Variants in CTNNA1 observed in about 807,000 individuals in gnomAD.
The protein encoded by CTNNA1 is catenin alpha 1.
CTNNA1 carries 37 observed loss-of-function variants against 98.4 expected under a neutral mutation model. The observed-to-expected ratio is 0.38, with a 90% CI of 0.29 to 0.49. CTNNA1 has a LOEUF of 0.49. Among genes scored for constraint, CTNNA1 ranks in the 20% least tolerant of loss-of-function variants. The pLI is 0.95. For missense variants in CTNNA1, 761 were observed against 1,147.2 expected (o/e 0.66, Z 4.86); for synonymous variants, 404 against 413.2 (o/e 0.98, Z 0.27).
rs1750996609 is a variant in CTNNA1 at position 138,874,073 on chromosome 5, T to C, written c.1063-12139T>C. On this transcript the variant is annotated intron_variant, in intron 7 of 17. Coordinates refer to ENST00000302763, the MANE Select transcript of CTNNA1 (RefSeq NM_001903.5). The surrounding 1 kb of genome is among the most constrained non-coding windows in gnomAD (Gnocchi z 4.1). ...AGTCCGCAGGGAGTTGGAACGTAAA[T>C]GCAAGGTCTGCAGCTTCCGAAGGCC... The C allele has an allele frequency of 2.5e-6, 4 of 1,613,742 alleles. No individual in the cohort carries two copies. The highest frequency in any genetic ancestry group is 1.7e-5 in the Admixed American group (1 of 59,994).
At chr5:138,786,956 C>A (rs1561525509) in intron 3 of CTNNA1, among the ~76,000 whole-genome samples, 1 of 152,200 alleles carries the variant, frequency 6.6e-6, no homozygotes, top group South Asian at 2.1e-4. Flanking sequence ...TTACGTAAAA[C>A]CCTGACCTAA....
In CTNNA1 at chr5:138,874,884, A is replaced by G. The variant is rs373922860; in HGVS notation, c.1063-11328A>G. ...AGCGTGATTCCTTGTTGAATGTACA[A>G]GACATATAAATGCACAGACTTACCC... On this transcript the variant is annotated intron_variant, in intron 7 of 17. Transcript: ENST00000302763. The surrounding 1 kb of genome is among the most constrained non-coding windows in gnomAD (Gnocchi z 4.1). 3.1e-6 allele frequency: 5 copies of G among 1,606,816 alleles called. No individual in the cohort carries two copies. In the East Asian group the frequency reaches 1.1e-4, roughly 36 times the overall value.
chr5:138,931,551 G>A (rs1320768081), intron 16 of CTNNA1: 1 of 969,002 alleles, frequency 1.0e-6, no homozygotes, highest in Non-Finnish European at 1.2e-6. Flanking sequence ...AGATTGTAAA[G>A]GCATCCTTGA....
chr5:138,910,407 T>G (rs1164745235), intron 10 of CTNNA1, among the ~76,000 whole-genome samples: 4 of 151,688 alleles, frequency 2.6e-5, no homozygotes, highest in Non-Finnish European at 5.9e-5. Flanking sequence ...GACAGGGATA[T>G]TTAGGGTTTT....
intron 1 of CTNNA1, among the ~76,000 whole-genome samples, chr5:138,756,853 G>A (rs1751706277): frequency 6.6e-6 from 1 of 152,110 alleles, no homozygotes; most frequent in Non-Finnish European, 1.5e-5. Flanking sequence ...GGTGGAGTAC[G>A]AGGTGGTAGG....
intron 7 of CTNNA1, among the ~76,000 whole-genome samples, chr5:138,848,390 C>CT (rs934655656): frequency 4.6e-5 from 7 of 152,146 alleles, no homozygotes; most frequent in East Asian, 1.9e-4. Context: ...TTTAAGTCCT[C>CT]TTTTTTTTGT....
At chr5:138,855,685 G>GT (rs1763669470) in intron 7 of CTNNA1, among the ~76,000 whole-genome samples, 1 of 152,168 alleles carries the variant, frequency 6.6e-6, no homozygotes, top group Non-Finnish European at 1.5e-5. Context: ...CACTGTAAGC[G>GT]TGTGTCTTTC....
At chr5:138,898,795 T>C (rs1247206814) in intron 9 of CTNNA1, among the ~76,000 whole-genome samples, 1 of 152,228 alleles carries the variant, frequency 6.6e-6, no homozygotes, top group African/African-American at 2.4e-5. Flanking sequence ...TTTGAAATTC[T>C]TGGTAGTTAA....
Position 138,930,949 on chromosome 5 carries a change from T to G in CTNNA1, c.2298+14T>G. ...ATTGCAGACCATGTAAGTGACAGAC[T>G]TGCCAGGTGGGTCTCCAAGCTCCTC... On this transcript the variant is annotated intron_variant, in intron 16 of 17. Coordinates refer to ENST00000302763, the MANE Select transcript of CTNNA1 (RefSeq NM_001903.5). 6.3e-7 allele frequency: 1 copy of G among 1,584,020 alleles called. No homozygotes were observed. The highest frequency in any genetic ancestry group is 1.1e-5 in the South Asian group (1 of 90,488).
intron 9 of CTNNA1, among the ~76,000 whole-genome samples, chr5:138,903,553 G>A (rs1216111348): frequency 3.3e-5 from 5 of 152,298 alleles, no homozygotes; most frequent in East Asian, 3.9e-4. Context: ...CAGTCACTAC[G>A]CAGTAACATT....
chr5:138,863,619 C>T (rs1260892866), intron 7 of CTNNA1, among the ~76,000 whole-genome samples: 8 of 152,250 alleles, frequency 5.3e-5, no homozygotes, highest in African/African-American at 1.7e-4. Flanking sequence ...AAGGAGAACA[C>T]GTATGATTAT....
chr5:138,924,383 A>G (rs780016835), intron 11 of CTNNA1, 127 bp from the exon 12 acceptor site: 12 of 805,742 alleles, frequency 1.5e-5, no homozygotes, highest in Non-Finnish European at 2.4e-5. Flanking sequence ...TCTCCAATGA[A>G]GTATATGTAA....
chr5:138,867,263 C>T (rs1764873908), intron 7 of CTNNA1, among the ~76,000 whole-genome samples: 1 of 152,174 alleles, frequency 6.6e-6, no homozygotes, highest in South Asian at 2.1e-4. Flanking sequence ...TGAGAGTTCT[C>T]TTAGTCTCTC....
At chr5:138,915,781 T>C (rs1761602833) in intron 10 of CTNNA1, among the ~76,000 whole-genome samples, 1 of 152,092 alleles carries the variant, frequency 6.6e-6, no homozygotes, top group South Asian at 2.1e-4. Context: ...TTGAAAACAT[T>C]ATGTTAGGCC....
intron 1 of CTNNA1, chr5:138,754,863 T>TC (rs1256077677): frequency 2.6e-5 from 4 of 151,958 alleles, no homozygotes; most frequent in Non-Finnish European, 5.9e-5. Flanking sequence ...GCTCAAGTGA[T>TC]CCCCCCACCT....
intron 7 of CTNNA1, among the ~76,000 whole-genome samples, chr5:138,844,792 CAAAG>C (rs1008503700): frequency 2.0e-5 from 3 of 152,010 alleles, no homozygotes; most frequent in East Asian, 1.9e-4. Flanking sequence ...GTAGGATATA[CAAAG>C]AAAGAAAAGA....
In CTNNA1 at chr5:138,824,557, C is replaced by A. The variant is rs773383379; in HGVS notation, c.616C>A (p.Gln206Lys). ...ATTGAAAGATGTTGGCCATCGTGAT[C>A]AGATGGCTGCAGCTAGAGGAATCCT... Reference protein sequence around the residue: ...QELKDVGHRDQMAAARGILQK... With the variant: ...QELKDVGHRDKMAAARGILQK... The change falls in exon 6 of 18, where the codon CAG (glutamine) becomes AAG (lysine). Residue 206 changes from glutamine to lysine, a missense_variant. Physicochemically the swap from Gln to Lys is moderately conservative, Grantham distance 53. Around this residue, in one of 6 missense-constraint regions of CTNNA1, gnomAD observed 328 missense variants for 354.3 expected, o/e 0.93. Coordinates refer to ENST00000302763, the MANE Select transcript of CTNNA1 (RefSeq NM_001903.5). The A allele has an allele frequency of 6.2e-7, 1 of 1,614,122 alleles. No individual in the cohort carries two copies. The highest frequency in any genetic ancestry group is 1.1e-5 in the South Asian group (1 of 91,066).
chr5:138,802,318 A>G (rs825761), intron 3 of CTNNA1, among the ~76,000 whole-genome samples: 105,208 of 151,990 alleles, frequency 0.69, 36,565 homozygotes, highest in East Asian at 0.93. Flanking sequence ...TTTTTAATGC[A>G]TAGACAAAAG....
chr5:138,886,092 A>G (rs1753958831), intron 7 of CTNNA1, 120 bp from the exon 8 acceptor site: 3 of 1,125,084 alleles, frequency 2.7e-6, no homozygotes, highest in African/African-American at 1.6e-5. Flanking sequence ...GTATTTTCCA[A>G]CTTTGAGTTT....
Sources: allele counts gnomAD v4.1 joint callset (sites outside exome capture counted in the v4.1 genomes callset), GRCh38; gene constraint gnomAD v4.1.1; regional missense constraint gnomAD v4.1.1; non-coding constraint Gnocchi (gnomAD v3.1); transcripts MANE v1.5; gene names NCBI Gene and HGNC (gene_info 2026-07-23, HGNC 2026-07-21).